Variants in EXOC4 observed in about 807,000 individuals in gnomAD.
EXOC4 encodes the protein SEC8-like 1.
Under a neutral mutation model 107.2 loss-of-function variants are expected in EXOC4, and 71 were observed. The ratio of observed to expected loss-of-function variants is 0.66; its 90% CI spans 0.55 to 0.81. The LOEUF (loss-of-function observed/expected upper bound fraction) is 0.81. Among genes scored for constraint, EXOC4 ranks in the 30% least tolerant of loss-of-function variants. EXOC4 has a pLI of 0.00. For missense variants in EXOC4, 1,108 were observed against 1,189.6 expected (o/e 0.93, Z 1.01); for synonymous variants, 456 against 441.2 (o/e 1.03, Z -0.42).
At chr7:133,550,956 C>T (rs530173528) in intron 9 of EXOC4, among the ~76,000 whole-genome samples, 1 of 152,088 alleles carries the variant, frequency 6.6e-6, no homozygotes, top group African/African-American at 2.4e-5. Context: ...AGAGTTGTGG[C>T]TTTCCCTGAA....
chr7:133,482,112 A>C lies in EXOC4; in HGVS notation c.1417+1974A>C, dbSNP rs530770633. ...CTACACCTGTCTTCTAATACACATA[A>C]ATTTATTTGATGGTGACAAAGCATC... is the stretch of plus-strand genomic sequence containing the variant. On this transcript the variant is annotated intron_variant, in intron 9 of 17. Transcript: ENST00000253861. Among the ~76,000 whole-genome samples the C allele has an allele frequency of 7.9e-5, 12 of 152,208 alleles. No homozygotes were observed. In the South Asian group the frequency reaches 2.5e-3, roughly 32 times the overall value.
At chr7:133,766,213 A>C (rs1055273171) in intron 10 of EXOC4, among the ~76,000 whole-genome samples, 3 of 152,034 alleles carry the variant, frequency 2.0e-5, no homozygotes, top group Middle Eastern at 3.2e-3. Context: ...TTACTATGTA[A>C]GAACTATGAA....
At chr7:133,503,121 G>A (rs1209175165) in intron 9 of EXOC4, among the ~76,000 whole-genome samples, 1 of 152,142 alleles carries the variant, frequency 6.6e-6, no homozygotes. Context: ...GTTCTAAGAG[G>A]AAACACAAGT....
chr7:133,665,018 A>G (rs1163876338), intron 10 of EXOC4, among the ~76,000 whole-genome samples: 2 of 152,182 alleles, frequency 1.3e-5, no homozygotes, highest in African/African-American at 2.4e-5. Flanking sequence ...CTACTTTGTT[A>G]AAGAAAAATG....
intron 5 of EXOC4, among the ~76,000 whole-genome samples, chr7:133,331,000 A>G (rs190394479): frequency 6.6e-6 from 1 of 152,034 alleles, no homozygotes; most frequent in East Asian, 1.9e-4. Context: ...CATTTAAATG[A>G]TGCAACAGGC....
chr7:133,681,360 A>G (rs1794183122), intron 10 of EXOC4, among the ~76,000 whole-genome samples: 1 of 135,608 alleles, frequency 7.4e-6, no homozygotes, highest in South Asian at 2.6e-4. Flanking sequence ...TTTTTGAATG[A>G]TGAAAACTTG....
At chr7:133,456,369 G>T (rs976350163) in intron 7 of EXOC4, among the ~76,000 whole-genome samples, 1 of 152,172 alleles carries the variant, frequency 6.6e-6, no homozygotes, top group African/African-American at 2.4e-5. Context: ...TATCTCCACT[G>T]TGTGAAAGTG....
intron 9 of EXOC4, among the ~76,000 whole-genome samples, chr7:133,594,854 T>A (rs906485441): frequency 4.6e-5 from 7 of 152,090 alleles, no homozygotes; most frequent in South Asian, 2.1e-4. Context: ...AAGTAAAAAA[T>A]AAATTAATAA....
At chr7:133,467,868 C>T (rs1000829919) in intron 7 of EXOC4, among the ~76,000 whole-genome samples, 9 of 151,998 alleles carry the variant, frequency 5.9e-5, no homozygotes, top group Admixed American at 6.5e-5. Flanking sequence ...TCTTGTCCTC[C>T]TATAAATGCT....
chr7:133,685,511 A>G (rs1264538611), intron 10 of EXOC4, among the ~76,000 whole-genome samples: 3 of 152,184 alleles, frequency 2.0e-5, no homozygotes, highest in Admixed American at 1.3e-4. Flanking sequence ...AGTTTTTTAT[A>G]GTAGTATGAA....
intron 10 of EXOC4, chr7:133,733,020 T>A: frequency 5.8e-6 from 1 of 173,180 alleles, no homozygotes; most frequent in South Asian, 1.3e-4. Flanking sequence ...TCGTCTTCAG[T>A]AATCAGCCTG....
chr7:133,823,838 ATATATT>A (rs1563014467), intron 11 of EXOC4, among the ~76,000 whole-genome samples: 1 of 11,198 alleles, frequency 8.9e-5, no homozygotes, highest in African/African-American at 3.0e-4. Context: ...ATATATATAT[ATATATT>A]ATATATATAT....
At chr7:133,636,266 T>TA (rs1176474621) in intron 10 of EXOC4, among the ~76,000 whole-genome samples, 3 of 152,194 alleles carry the variant, frequency 2.0e-5, no homozygotes, top group African/African-American at 7.2e-5. Context: ...AGACAACGCT[T>TA]AACCAGAAAG....
chr7:133,578,051 T>C (rs1055700287), intron 9 of EXOC4, among the ~76,000 whole-genome samples: 2 of 152,168 alleles, frequency 1.3e-5, no homozygotes, highest in Non-Finnish European at 2.9e-5. Flanking sequence ...AATAAATAGA[T>C]GCAAATAGTT....
intron 2 of EXOC4, 74 bp downstream of exon 2, chr7:133,275,245 T>TG (rs1793963088): frequency 2.5e-6 from 3 of 1,202,316 alleles, no homozygotes; most frequent in Non-Finnish European, 3.4e-6. Context: ...AGAGGAGCCA[T>TG]GGTAGTGGCT....
At chr7:133,282,089 T>G (rs1216675238) in intron 2 of EXOC4, among the ~76,000 whole-genome samples, 1 of 152,212 alleles carries the variant, frequency 6.6e-6, no homozygotes, top group Non-Finnish European at 1.5e-5. Context: ...TATATAGATC[T>G]CTGGTCTTCC....
intron 9 of EXOC4, among the ~76,000 whole-genome samples, chr7:133,610,655 T>G (rs917004300): frequency 1.3e-5 from 2 of 152,130 alleles, no homozygotes; most frequent in Admixed American, 1.3e-4. Context: ...GCTCTAAATC[T>G]TAAACCTGCT....
chr7:133,543,160 T>C (rs1007634656), intron 9 of EXOC4, among the ~76,000 whole-genome samples: 2 of 152,134 alleles, frequency 1.3e-5, no homozygotes, highest in South Asian at 4.1e-4. Context: ...TTTTAAAAGG[T>C]AATGAGAATT....
intron 11 of EXOC4, among the ~76,000 whole-genome samples, chr7:133,829,432 A>C (rs867103199): frequency 1.3e-5 from 2 of 152,196 alleles, no homozygotes; most frequent in Admixed American, 1.3e-4. Context: ...GGGATCCACT[A>C]GTTCCGCTCT....
Sources: gnomAD v4.1 joint callset for allele counts (sites outside exome capture counted in the v4.1 genomes callset) on GRCh38, gnomAD v4.1.1 for gene constraint, MANE v1.5 for transcripts, NCBI Gene and HGNC (gene_info 2026-07-23, HGNC 2026-07-21) for gene names.